The following C10orf90 variants were observed in gnomAD, a reference collection of about 807,000 sequenced individuals.
The protein encoded by C10orf90 is (E2-independent) E3 ubiquitin-conjugating enzyme FATS.
In C10orf90, 56 loss-of-function variants were observed where a neutral mutation model predicts 62.5. That is an observed-to-expected ratio of 0.90 (90% CI 0.72 to 1.12). The LOEUF (loss-of-function observed/expected upper bound fraction) is 1.12. Ranked by LOEUF, C10orf90 falls within the 50% of genes most tolerant of loss-of-function variation. The pLI is 0.00. For synonymous variants in C10orf90, 386 were observed against 340.4 expected (o/e 1.13, Z -1.47); for missense variants, 970 against 880.4 (o/e 1.10, Z -1.29).
At chr10:126,432,368 T>C (rs1043475566) in intron 7 of C10orf90, among the ~76,000 whole-genome samples, 2 of 152,222 alleles carry the variant, frequency 1.3e-5, no homozygotes, top group Non-Finnish European at 2.9e-5. Flanking sequence ...TCCTTCCTTC[T>C]ACATTTAACG....
At chr10:126,499,415 T>C (rs143901580) in intron 4 of C10orf90, among the ~76,000 whole-genome samples, 164 of 152,348 alleles carry the variant, frequency 1.1e-3, no homozygotes, top group African/African-American at 3.6e-3. Context: ...TTCTAGATCA[T>C]TGAAGAAAAA....
intron 3 of C10orf90, among the ~76,000 whole-genome samples, chr10:126,507,484 C>A (rs1862818618): frequency 6.7e-6 from 1 of 148,740 alleles, no homozygotes; most frequent in Admixed American, 6.7e-5. Flanking sequence ...TCAAAATATC[C>A]ATGGCTACTT....
At chr10:126,507,894 T>C (rs1378333911) in intron 3 of C10orf90, among the ~76,000 whole-genome samples, 1 of 152,170 alleles carries the variant, frequency 6.6e-6, no homozygotes, top group Non-Finnish European at 1.5e-5. Flanking sequence ...TAAGAAAAAC[T>C]GAAATGCACC....
chr10:126,565,018 A>T (rs866715501), intron 2 of C10orf90, among the ~76,000 whole-genome samples: 156 of 14,038 alleles, frequency 0.011, 15 homozygotes, highest in Admixed American at 0.021. Flanking sequence ...TATATAATAT[A>T]TATTATATAT....
chr10:126,504,709 C>A lies in C10orf90; in HGVS notation c.782G>T (p.Cys261Phe). The A allele has an allele frequency of 1.2e-6, 2 of 1,610,336 alleles. No homozygotes were observed. Among genetic ancestry groups the A allele is most frequent in the Non-Finnish European group, 8.5e-7 (1 of 1,177,754 alleles). Reference sequence around the variant, plus strand: ...TGTGTCCTCAGCCCTGCACTTGGGGCACAGAGAGTCCCCAGCAGTCCCCCA... The same window carrying A: ...TGTGTCCTCAGCCCTGCACTTGGGGAACAGAGAGTCCCCAGCAGTCCCCCA... ...LVWGTAGDSL[C>F]PKCRAEDTLF... Residue 261 changes from cysteine (C) to phenylalanine (F), a missense_variant, in exon 4 of 10, where the codon TGC (cysteine) becomes TTC (phenylalanine). Coordinates refer to ENST00000488181, the MANE Select transcript of C10orf90 (RefSeq NM_001350921.2). The surrounding 1 kb of genome is among the most constrained non-coding windows in gnomAD (Gnocchi z 4.1).
At chr10:126,514,130 G>C (rs1863297376) in intron 2 of C10orf90, among the ~76,000 whole-genome samples, 191 bp from the exon 3 acceptor site, 1 of 152,050 alleles carries the variant, frequency 6.6e-6, no homozygotes, top group Admixed American at 6.5e-5. Context: ...ACCTCTCTGG[G>C]TTCGTTATTA....
At chr10:126,517,162 G>A (rs953381297) in intron 2 of C10orf90, among the ~76,000 whole-genome samples, 2 of 152,198 alleles carry the variant, frequency 1.3e-5, no homozygotes, top group African/African-American at 4.8e-5. Context: ...GGAGGTAGAT[G>A]TGTTGGATGT....
intron 4 of C10orf90, among the ~76,000 whole-genome samples, chr10:126,478,994 T>C (rs374477746): frequency 1.4e-4 from 21 of 152,282 alleles, no homozygotes; most frequent in East Asian, 7.7e-4. Context: ...CCTTCAAAGA[T>C]GCCCTTAAAC....
At chr10:126,567,494 A>C (rs2133999521) in intron 2 of C10orf90, among the ~76,000 whole-genome samples, 1 of 152,196 alleles carries the variant, frequency 6.6e-6, no homozygotes, top group South Asian at 2.1e-4. Context: ...ATAGATCCAA[A>C]CCATATCGGG....
rs1344331040 is a variant in C10orf90 at position 126,649,028 on chromosome 10, GTCTCTGTCTCTCTCTCTCTC to G, written c.241-2411_241-2392del. On this transcript the variant is annotated intron_variant, in intron 1 of 9. Transcript: ENST00000488181. ...ACAGATGATATCTCTCTCTCTCTCTGTCTCTGTCTCTCTCTCTCTCTCTCTCTCTCTCTCTCTCTCTCTCC... is the reference window on the plus strand; with the variant it reads ...ACAGATGATATCTCTCTCTCTCTCTGTCTCTCTCTCTCTCTCTCTCTCTCC... 1.0e-3 allele frequency among the ~76,000 whole-genome samples: 107 copies of G among 102,798 alleles called. 3 individuals carry two copies. The highest frequency in any genetic ancestry group is 1.4e-3 in the Non-Finnish European group (76 of 52,706). The allele number at this position is 102,798 out of a possible 152,430, so 67.4% of individuals were successfully genotyped here.
intron 6 of C10orf90, among the ~76,000 whole-genome samples, chr10:126,460,943 A>G (rs1168979833): frequency 2.0e-5 from 3 of 152,102 alleles, no homozygotes; most frequent in Non-Finnish European, 4.4e-5. Flanking sequence ...AACAATTGGG[A>G]AAAGATGCCA....
chr10:126,509,137 A>C (rs1183263432), intron 3 of C10orf90, among the ~76,000 whole-genome samples: 1 of 152,156 alleles, frequency 6.6e-6, no homozygotes, highest in African/African-American at 2.4e-5. Flanking sequence ...CGTGACCGTG[A>C]GTTTTGACTC....
chr10:126,436,818 T>C (rs1857951686), intron 7 of C10orf90, among the ~76,000 whole-genome samples: 1 of 152,004 alleles, frequency 6.6e-6, no homozygotes, highest in Non-Finnish European at 1.5e-5. Flanking sequence ...GTTTTTGTTG[T>C]TGTTATTTTT....
intron 3 of C10orf90, among the ~76,000 whole-genome samples, chr10:126,508,230 T>C (rs4375361): frequency 0.88 from 132,729 of 151,094 alleles, 58,357 homozygotes; most frequent in African/African-American, 0.9. Context: ...ATGTTAAAAA[T>C]GCAGATTTCT....
At chr10:126,518,182 C>A (rs1035053160) in intron 2 of C10orf90, among the ~76,000 whole-genome samples, 2 of 152,172 alleles carry the variant, frequency 1.3e-5, no homozygotes, top group African/African-American at 4.8e-5. Flanking sequence ...ACAGCAAGGG[C>A]TCCCAAAATG....
rs182198348 is a variant in C10orf90, at chr10:126,583,145, C to A, written c.313+63420G>T. On this transcript the variant is annotated intron_variant, in intron 2 of 9. Coordinates refer to ENST00000488181, the MANE Select transcript of C10orf90 (RefSeq NM_001350921.2). ...ATTTTTGTCACATGTGCCTGGGGGA[C>A]AAAACCACCCCGTCAATAAACACTG... Among the ~76,000 whole-genome samples the A allele has an allele frequency of 4.1e-3, 619 of 152,250 alleles. 1 individual carries two copies. Among genetic ancestry groups the A allele is most frequent in the Non-Finnish European group, 7.0e-3 (475 of 68,012 alleles).
intron 2 of C10orf90, among the ~76,000 whole-genome samples, chr10:126,533,673 A>G (rs888920245): frequency 6.6e-6 from 1 of 152,216 alleles, no homozygotes; most frequent in African/African-American, 2.4e-5. Flanking sequence ...ATATGAGCTC[A>G]GACAGTAAAG....
chr10:126,555,575 A>G (rs573855305), intron 2 of C10orf90, among the ~76,000 whole-genome samples: 1 of 151,748 alleles, frequency 6.6e-6, no homozygotes, highest in Non-Finnish European at 1.5e-5. Flanking sequence ...GCTACTCGGG[A>G]GGCTGAGGCA....
chr10:126,666,513 C>G (rs1846629610), intron 1 of C10orf90, among the ~76,000 whole-genome samples: 1 of 152,040 alleles, frequency 6.6e-6, no homozygotes, highest in Non-Finnish European at 1.5e-5. Context: ...GACCTTAAAG[C>G]AGCTCAAGAA....
Sources: allele counts gnomAD v4.1 joint callset (sites outside exome capture counted in the v4.1 genomes callset), GRCh38; gene constraint gnomAD v4.1.1; non-coding constraint Gnocchi (gnomAD v3.1); transcripts MANE v1.5; gene names NCBI Gene and HGNC (gene_info 2026-07-23, HGNC 2026-07-21).